NCOA2: variants seen among roughly 807,000 people sequenced by gnomAD.
NCOA2 encodes the protein class E basic helix-loop-helix protein 75.
Under a neutral mutation model 145.1 loss-of-function variants are expected in NCOA2, and 21 were observed. The observed-to-expected ratio is 0.14, with a 90% CI of 0.10 to 0.21. The LOEUF is 0.21. Among genes scored for constraint, NCOA2 ranks in the 10% least tolerant of loss-of-function variants. The probability of loss-of-function intolerance (pLI) is 1.00; values close to 1 mark genes in which losing one functional copy is unlikely to be tolerated. For synonymous variants in NCOA2, 619 were observed against 637.5 expected (o/e 0.97, Z 0.44); for missense variants, 1,472 against 1,837.6 (o/e 0.80, Z 3.64).
At chr8:70,428,071 A>G in the NCOA2 span, among the ~76,000 whole-genome samples, 6 of 152,266 alleles carry the variant, frequency 3.9e-5, no homozygotes, top group South Asian at 6.2e-4. Flanking sequence ...ATGACATACA[A>G]ATAAGGAAAA....
intron 1 of NCOA2, among the ~76,000 whole-genome samples, chr8:70,353,513 A>G (rs550313438): frequency 5.3e-5 from 8 of 149,590 alleles, no homozygotes; most frequent in African/African-American, 2.0e-4. Context: ...GAGACCTTAG[A>G]AATCAAAATG....
chr8:70,169,233 GCA>G (rs1264314267), intron 6 of NCOA2, among the ~76,000 whole-genome samples: 2 of 152,196 alleles, frequency 1.3e-5, no homozygotes, highest in East Asian at 3.9e-4. Context: ...ATCACCCACT[GCA>G]CAGTGTGTCC....
At chr8:70,230,779 C>T (rs1250326547) in intron 2 of NCOA2, among the ~76,000 whole-genome samples, 1 of 152,108 alleles carries the variant, frequency 6.6e-6, no homozygotes, top group African/African-American at 2.4e-5. Flanking sequence ...CATATTCCTA[C>T]CACCCAGAGA....
At chr8:70,259,398 T>C (rs1823921377) in intron 2 of NCOA2, among the ~76,000 whole-genome samples, 1 of 152,228 alleles carries the variant, frequency 6.6e-6, no homozygotes, top group Non-Finnish European at 1.5e-5. Context: ...TAGACCAGCA[T>C]AGTGATTCTA....
intron 1 of NCOA2, among the ~76,000 whole-genome samples, chr8:70,342,620 C>T (rs1324589354): frequency 1.3e-5 from 2 of 151,942 alleles, no homozygotes; most frequent in Admixed American, 1.3e-4. Flanking sequence ...CAGATTGTCA[C>T]ATGCTGAATT....
intron 2 of NCOA2, among the ~76,000 whole-genome samples, chr8:70,252,416 A>T (rs79508542): frequency 0.077 from 11,742 of 152,218 alleles, 555 homozygotes; most frequent in East Asian, 0.12. Context: ...ATCTATTTTT[A>T]AAAAATAAAA....
chr8:70,358,258 A>G (rs979874665), intron 1 of NCOA2, among the ~76,000 whole-genome samples: 7 of 152,208 alleles, frequency 4.6e-5, no homozygotes, highest in Admixed American at 3.3e-4. Context: ...ATGAGAGCCA[A>G]CCAATCCTCA....
the NCOA2 span, among the ~76,000 whole-genome samples, chr8:70,412,424 A>T: frequency 2.0e-5 from 3 of 148,916 alleles, no homozygotes; most frequent in Non-Finnish European, 4.5e-5. Flanking sequence ...ATATATAAAG[A>T]TATGTAAAAT....
chr8:70,243,605 A>G (rs113480706), intron 2 of NCOA2, among the ~76,000 whole-genome samples: 19 of 152,158 alleles, frequency 1.2e-4, no homozygotes, highest in African/African-American at 4.6e-4. Context: ...TTAAAAATAA[A>G]GAAAAACAAA....
chr8:70,241,037 T>C (rs1822081511), intron 2 of NCOA2, among the ~76,000 whole-genome samples: 1 of 152,124 alleles, frequency 6.6e-6, no homozygotes, highest in African/African-American at 2.4e-5. Context: ...TAACATGTAG[T>C]TACTGATTCA....
chr8:70,133,418 T>G (rs1809385150), intron 15 of NCOA2, among the ~76,000 whole-genome samples: 1 of 152,006 alleles, frequency 6.6e-6, no homozygotes, highest in South Asian at 2.1e-4. Flanking sequence ...AGAGACAGGG[T>G]CTTGCTACAT....
At position 70,113,650 on chromosome 8, in the gene NCOA2, G is replaced by A. The variant is rs759869023; in HGVS notation, c.4384-7C>T. ...AGCAGTGTCAGCAATATTTCTGTAG[G>A]AAAACAGATAAAAAGTTGTGAAACA... On this transcript the variant is annotated splice_polypyrimidine_tract_variant and splice_region_variant and intron_variant, in intron 22 of 22. Transcript: ENST00000452400. 469 of 1,551,476 alleles carry A rather than the reference G, an allele frequency of 3.0e-4. No homozygotes were observed. The highest frequency in any genetic ancestry group is 3.9e-4 in the Non-Finnish European group (449 of 1,146,932).
chr8:70,171,667 A>G (rs935649976), intron 5 of NCOA2, among the ~76,000 whole-genome samples: 7 of 152,080 alleles, frequency 4.6e-5, no homozygotes, highest in Non-Finnish European at 8.8e-5. Flanking sequence ...GTTTATTACA[A>G]TTTTATCTTT....
At chr8:70,145,001 C>T (rs1159918873) in intron 12 of NCOA2, among the ~76,000 whole-genome samples, 153 bp from the exon 13 acceptor site, 1 of 152,178 alleles carries the variant, frequency 6.6e-6, no homozygotes, top group East Asian at 1.9e-4. Flanking sequence ...AGACAAAAAA[C>T]ACATGCAGCA....
At chr8:70,136,370 A>G (rs1809734671) in intron 15 of NCOA2, among the ~76,000 whole-genome samples, 1 of 152,176 alleles carries the variant, frequency 6.6e-6, no homozygotes, top group Non-Finnish European at 1.5e-5. Flanking sequence ...TCAAAACAAA[A>G]AAACCAAACA....
chr8:70,404,493 C>T (rs766228399), upstream of NCOA2, among the ~76,000 whole-genome samples: 4 of 152,162 alleles, frequency 2.6e-5, no homozygotes, highest in Non-Finnish European at 4.4e-5. Context: ...CCGGTCCTGC[C>T]GCTGCTCCCC....
chr8:70,183,670 TG>T (rs1197351505), intron 4 of NCOA2, among the ~76,000 whole-genome samples: 1 of 152,202 alleles, frequency 6.6e-6, no homozygotes, highest in African/African-American at 2.4e-5. Flanking sequence ...CCCCTTCTCT[TG>T]GAAGATGCCA....
chr8:70,213,838 A>T (rs918932143), intron 4 of NCOA2, 65 bp downstream of exon 4: 5 of 1,336,626 alleles, frequency 3.7e-6, no homozygotes, highest in Admixed American at 2.6e-5. Context: ...CTCTGAAGGG[A>T]CTTCTCACAC....
At chr8:70,273,867 C>A in intron 2 of NCOA2, 1 of 539,106 alleles carries the variant, frequency 1.9e-6, no homozygotes, top group Non-Finnish European at 3.6e-6. Flanking sequence ...AGTGACTCAA[C>A]TTCTGAAGAC....
Sources: allele counts gnomAD v4.1 joint callset (sites outside exome capture counted in the v4.1 genomes callset), GRCh38; gene constraint gnomAD v4.1.1; transcripts MANE v1.5; gene names NCBI Gene and HGNC (gene_info 2026-07-23, HGNC 2026-07-21).